TMEM63B: variants seen among roughly 807,000 people sequenced by gnomAD.
TMEM63B encodes the protein transmembrane protein 63B.
TMEM63B carries 23 observed loss-of-function variants against 102.6 expected under a neutral mutation model. The ratio of observed to expected loss-of-function variants is 0.22; its 90% CI spans 0.16 to 0.32. The LOEUF is 0.32. Ranked by LOEUF, TMEM63B falls within the 10% of genes least tolerant of loss-of-function variation. The pLI, the probability that TMEM63B is intolerant of heterozygous loss-of-function variation, is 1.00. For synonymous variants in TMEM63B, 444 were observed against 437.0 expected (o/e 1.02, Z -0.20); for missense variants, 628 against 1,095.9 (o/e 0.57, Z 6.03).
chr6:44,140,401 TCTTCC>T lies in TMEM63B; in HGVS notation c.711+54_711+58del, dbSNP rs1450710312. 8.5e-6 allele frequency: 13 copies of T among 1,536,246 alleles called. No homozygotes were observed. In the Middle Eastern group the frequency reaches 1.0e-3, roughly 119 times the overall value. Reference sequence around the variant, plus strand: ...CCCAGGTCCTGCCCCATCCCCAGCCTCTTCCCTTCCCTTCCCTGCAGGCCTCTTTT... The same window carrying T: ...CCCAGGTCCTGCCCCATCCCCAGCCTCTTCCCTTCCCTGCAGGCCTCTTTT... On this transcript the variant is annotated intron_variant, in intron 9 of 23. Transcript: ENST00000323267.
intron 3 of TMEM63B, 59 bp downstream of exon 3, chr6:44,135,155 C>G (rs1186349000): frequency 1.1e-5 from 17 of 1,601,066 alleles, no homozygotes; most frequent in Non-Finnish European, 1.4e-5. Context: ...CCACACTCCT[C>G]AGGAATAGGA....
At chr6:44,149,337 T>C (rs1582817575) in intron 15 of TMEM63B, 1 of 348,838 alleles carries the variant, frequency 2.9e-6, no homozygotes, top group East Asian at 6.8e-5. Context: ...GCTGCTCCGA[T>C]GACAGTAGGG....
intron 10 of TMEM63B, among the ~76,000 whole-genome samples, chr6:44,142,675 G>A (rs774497107): frequency 1.3e-5 from 2 of 152,128 alleles, no homozygotes; most frequent in Non-Finnish European, 2.9e-5. Flanking sequence ...GATAAAGGAT[G>A]CTGGTGGTCT....
At chr6:44,149,368 C>T (rs1766104988) in intron 15 of TMEM63B, 1 of 315,574 alleles carries the variant, frequency 3.2e-6, no homozygotes, top group African/African-American at 2.1e-5. Flanking sequence ...GTCTGCCTGG[C>T]CTCCCCTCAC....
At chr6:44,129,007 G>A (rs971616182) in intron 1 of TMEM63B, among the ~76,000 whole-genome samples, 24 of 152,220 alleles carry the variant, frequency 1.6e-4, no homozygotes, top group African/African-American at 5.5e-4. Flanking sequence ...GAGTCTTAGA[G>A]ACCTGCGTTC....
At chr6:44,127,437 G>A (rs1382077379), upstream of TMEM63B, 1 of 152,056 alleles carries the variant, frequency 6.6e-6, no homozygotes, top group South Asian at 2.1e-4. Context: ...TGCGCGCCAG[G>A]CCCAGCCCGG....
upstream of TMEM63B, chr6:44,127,304 G>A (rs1055313118): frequency 4.6e-5 from 7 of 152,060 alleles, no homozygotes; most frequent in African/African-American, 1.7e-4. Context: ...GGAGAAGGAG[G>A]GAATGAGGAC....
In TMEM63B at chr6:44,154,779, T is replaced by C; in HGVS notation, c.2395T>C (p.Ser799Pro). The C allele has an allele frequency of 6.2e-7, 1 of 1,609,772 alleles. No individual in the cohort carries two copies. The highest frequency in any genetic ancestry group is 8.5e-7 in the Non-Finnish European group (1 of 1,178,834). ...GAGCTCAGGGGATGAGCCCCCATCA[T>C]CCTCATCCCAAGATGAGGAGTTGCT... ...PGSSGDEPPS[S>P]SSQDEELLMP... The change falls in exon 24 of 24, where the codon TCC (serine) becomes CCC (proline). Residue 799 changes from serine (S) to proline (P), a missense_variant. Coordinates refer to ENST00000323267, the MANE Select transcript of TMEM63B (RefSeq NM_018426.3).
rs1413608932 is a variant in TMEM63B, at chr6:44,154,956, T to C, written c.*73T>C. 18 of 1,352,690 alleles carry C rather than the reference T, an allele frequency of 1.3e-5. No homozygotes were observed. Among genetic ancestry groups the C allele is most frequent in the Non-Finnish European group, 1.8e-5 (18 of 1,019,080 alleles). The allele number at this position is 1,352,690 out of a possible 1,614,324, so 83.8% of individuals were successfully genotyped here. On this transcript the variant is annotated 3_prime_UTR_variant, in exon 24 of 24. Coordinates refer to ENST00000323267, the MANE Select transcript of TMEM63B (RefSeq NM_018426.3). The stretch of plus-strand genomic sequence containing the variant: ...ACTCCCACGGACACTAAAACGCTAA[T>C]AATTTATTAGATCTAAAGCCCCTTC...
At chr6:44,141,271 A>G (rs944986391) in intron 10 of TMEM63B, among the ~76,000 whole-genome samples, 173 bp downstream of exon 10, 3 of 152,178 alleles carry the variant, frequency 2.0e-5, no homozygotes, top group African/African-American at 7.2e-5. Flanking sequence ...GGGTCGGGTG[A>G]TAGGCCCCTT....
chr6:44,152,634 G>T lies in TMEM63B; in HGVS notation c.1878G>T (p.Trp626Cys). 6.2e-7 allele frequency: 1 copy of T among 1,608,848 alleles called. No individual in the cohort carries two copies. ...TCCAGTTTGGCGCAGCCTACGCCTG[G>T]ATGATGTGCGTCTTCACGGTGGTCA... ...YEFQFGAAYA[W>C]MMCVFTVVMT... Residue 626 changes from tryptophan to cysteine, a missense_variant, in exon 20 of 24, where the codon TGG (tryptophan) becomes TGT (cysteine). By Grantham distance (215) the Trp-to-Cys change is radical. Around this residue, in one of 6 missense-constraint regions of TMEM63B, gnomAD observed 90 missense variants for 136.7 expected, o/e 0.66. Coordinates refer to ENST00000323267, the MANE Select transcript of TMEM63B (RefSeq NM_018426.3). The surrounding 1 kb of genome is among the most constrained non-coding windows in gnomAD (Gnocchi z 6.4).
At chr6:44,154,535 G>C in intron 23 of TMEM63B, 90 bp downstream of exon 23, 1 of 1,558,952 alleles carries the variant, frequency 6.4e-7, no homozygotes, top group South Asian at 1.1e-5. Flanking sequence ...GGGAACCTGT[G>C]CCAGACCCCA....
chr6:44,146,826 G>A, intron 10 of TMEM63B, 21 bp from the exon 11 acceptor site: 21 of 1,613,434 alleles, frequency 1.3e-5, no homozygotes, highest in Non-Finnish European at 1.8e-5. Flanking sequence ...TGCACAAGAT[G>A]ATACATGAAC....
intron 6 of TMEM63B, 87 bp from the exon 7 acceptor site, chr6:44,139,375 TTGGGG>T: frequency 6.6e-7 from 1 of 1,516,816 alleles, no homozygotes; most frequent in Non-Finnish European, 9.0e-7. Context: ...TAGGGTGGGT[TTGGGG>T]TGGGAGTGGG....
intron 5 of TMEM63B, 146 bp downstream of exon 5, chr6:44,136,585 C>T: frequency 1.5e-6 from 1 of 653,610 alleles, no homozygotes; most frequent in Non-Finnish European, 2.7e-6. Context: ...ACCAAGGAGC[C>T]ACAGGATGAC....
At position 44,148,057 on chromosome 6, in the gene TMEM63B, A is replaced by G. The variant is rs1765788769; in HGVS notation, c.988-195A>G. Among the ~76,000 whole-genome samples the G allele has an allele frequency of 2.0e-5, 3 of 152,062 alleles. No homozygotes were observed. The South Asian group carries it at 6.2e-4, about 32-fold the overall frequency. On this transcript the variant is annotated intron_variant, in intron 12 of 23. Coordinates refer to ENST00000323267, the MANE Select transcript of TMEM63B (RefSeq NM_018426.3). The surrounding 1 kb of genome is among the most constrained non-coding windows in gnomAD (Gnocchi z 5.1). Reference sequence around the variant, plus strand: ...AGGGTCACTTTAGCCTGGGAGCTTGAGGCTCCAGTGAGCTGAGATTCCACC... The same window carrying G: ...AGGGTCACTTTAGCCTGGGAGCTTGGGGCTCCAGTGAGCTGAGATTCCACC...
chr6:44,153,586 G>T, intron 20 of TMEM63B, 90 bp from the exon 21 acceptor site: 1 of 1,483,304 alleles, frequency 6.7e-7, no homozygotes, highest in Non-Finnish European at 9.1e-7. Flanking sequence ...CAACCCTTCA[G>T]CACTCTCAGG....
At chr6:44,138,614 G>C in intron 6 of TMEM63B, 97 bp downstream of exon 6, 1 of 1,447,874 alleles carries the variant, frequency 6.9e-7, no homozygotes, top group Non-Finnish European at 9.7e-7. Flanking sequence ...CAGGGCCTTA[G>C]CACTCCTCGC....
At position 44,139,072 on chromosome 6, in the gene TMEM63B, T is replaced by G. The variant is rs72858112; in HGVS notation, c.408-395T>G. On this transcript the variant is annotated intron_variant, in intron 6 of 23. Coordinates refer to ENST00000323267, the MANE Select transcript of TMEM63B (RefSeq NM_018426.3). ...CTTCTGCCTCTTTCACCACTCCTCC[T>G]CCTGCTGGTCCTCCTCCTCTCTTGC... 2.8e-3 allele frequency: 741 copies of G among 267,060 alleles called. 2 individuals carry two copies. Among genetic ancestry groups the G allele is most frequent in the Non-Finnish European group, 3.4e-3 (461 of 137,604 alleles). 16.5% of individuals were successfully genotyped at this position (267,060 alleles called of 1,614,324 possible). A position where few individuals can be genotyped will look rare whatever the true frequency, so the allele number is the denominator to read the frequency against.
Sources: allele counts gnomAD v4.1 joint callset (sites outside exome capture counted in the v4.1 genomes callset), GRCh38; gene constraint gnomAD v4.1.1; regional missense constraint gnomAD v4.1.1; non-coding constraint Gnocchi (gnomAD v3.1); transcripts MANE v1.5; gene names NCBI Gene and HGNC (gene_info 2026-07-23, HGNC 2026-07-21).